CACNA2D3: variants seen among roughly 807,000 people sequenced by gnomAD.
The protein encoded by CACNA2D3 is calcium voltage-gated channel auxiliary subunit alpha2delta 3.
Under a neutral mutation model 160.6 loss-of-function variants are expected in CACNA2D3, and 60 were observed. The observed-to-expected ratio is 0.37, with a 90% CI of 0.30 to 0.46. The LOEUF (loss-of-function observed/expected upper bound fraction) is 0.46. CACNA2D3 is among the 20% of genes least tolerant of loss of function. CACNA2D3 has a pLI of 1.00. For missense variants in CACNA2D3, 1,205 were observed against 1,365.0 expected (o/e 0.88, Z 1.85); for synonymous variants, 558 against 492.9 (o/e 1.13, Z -1.75).
In CACNA2D3 at chr3:54,700,760, G is replaced by A. The variant is rs567811212; in HGVS notation, c.1168-51839G>A. On this transcript the variant is annotated intron_variant, in intron 11 of 37. Coordinates refer to ENST00000474759, the MANE Select transcript of CACNA2D3 (RefSeq NM_018398.3). The stretch of plus-strand genomic sequence containing the variant: ...TCCTATGCATTGGGCTCTATGCAAA[G>A]TGCTTTCCAGGAGTTGCCTCATGTA... Among the ~76,000 whole-genome samples, 4 of 152,280 alleles carry A rather than the reference G, an allele frequency of 2.6e-5. No homozygotes were observed. The South Asian group carries it at 8.3e-4, about 32-fold the overall frequency.
intron 27 of CACNA2D3, among the ~76,000 whole-genome samples, chr3:54,910,448 C>A (rs1206543324): frequency 6.6e-6 from 1 of 152,200 alleles, no homozygotes; most frequent in Non-Finnish European, 1.5e-5. Context: ...ATTTCAGTAA[C>A]TTCCATTGTT....
intron 4 of CACNA2D3, among the ~76,000 whole-genome samples, chr3:54,392,217 A>C (rs1699294229): frequency 6.6e-6 from 1 of 152,198 alleles, no homozygotes; most frequent in African/African-American, 2.4e-5. Flanking sequence ...CCAGAAAATT[A>C]AGTCTATACA....
chr3:54,747,857 C>T (rs945845392), intron 11 of CACNA2D3, among the ~76,000 whole-genome samples: 1 of 152,156 alleles, frequency 6.6e-6, no homozygotes, highest in African/African-American at 2.4e-5. Context: ...TCCCATCTTC[C>T]TTTTCTAAAA....
chr3:54,471,372 T>C (rs899044844), intron 4 of CACNA2D3, among the ~76,000 whole-genome samples: 5 of 152,176 alleles, frequency 3.3e-5, no homozygotes, highest in African/African-American at 9.7e-5. Context: ...AGACACATCG[T>C]ACCAGAATCT....
intron 1 of CACNA2D3, 34 bp downstream of exon 1, chr3:54,122,869 G>C: frequency 8.2e-7 from 1 of 1,217,992 alleles, no homozygotes; most frequent in Non-Finnish European, 1.0e-6. Flanking sequence ...CCGGGGAGGG[G>C]ACCTTGCCGC....
intron 2 of CACNA2D3, among the ~76,000 whole-genome samples, chr3:54,215,483 C>A (rs1463824668): frequency 6.6e-6 from 1 of 152,176 alleles, no homozygotes; most frequent in Non-Finnish European, 1.5e-5. Flanking sequence ...GTATCAGTCC[C>A]CCCATTGCCT....
chr3:54,219,899 A>C lies in CACNA2D3; in HGVS notation c.204+96305A>C, dbSNP rs551402674. Among the ~76,000 whole-genome samples the C allele has an allele frequency of 5.9e-5, 9 of 152,000 alleles. No individual in the cohort carries two copies. In the South Asian group the frequency reaches 1.5e-3, roughly 25 times the overall value. ...GGCAATTAATTAAGAATTCTTCTTA[A>C]TTAAAAAAAAACTACTATCTTTCCT... On this transcript the variant is annotated intron_variant, in intron 2 of 37. Coordinates refer to ENST00000474759, the MANE Select transcript of CACNA2D3 (RefSeq NM_018398.3).
At chr3:54,711,204 C>G (rs1297143403) in intron 11 of CACNA2D3, among the ~76,000 whole-genome samples, 2 of 152,190 alleles carry the variant, frequency 1.3e-5, no homozygotes, top group East Asian at 1.9e-4. Flanking sequence ...GTAATAGCCA[C>G]TGTTCACTGG....
At chr3:54,681,862 T>C (rs2106915639) in intron 11 of CACNA2D3, among the ~76,000 whole-genome samples, 1 of 152,142 alleles carries the variant, frequency 6.6e-6, no homozygotes, top group Non-Finnish European at 1.5e-5. Flanking sequence ...TTCTTACTTT[T>C]AGTAGAGATG....
intron 4 of CACNA2D3, among the ~76,000 whole-genome samples, chr3:54,412,626 T>C (rs13082754): frequency 0.63 from 79,800 of 126,114 alleles, 26,100 homozygotes; most frequent in Non-Finnish European, 0.7. Flanking sequence ...TTTTTTAGTC[T>C]GACAACCTCT....
chr3:54,376,889 G>GT (rs1699022710), intron 3 of CACNA2D3, among the ~76,000 whole-genome samples: 1 of 152,186 alleles, frequency 6.6e-6, no homozygotes, highest in Non-Finnish European at 1.5e-5. Flanking sequence ...TGGTTGGATA[G>GT]TTGGAAGGAA....
At chr3:54,220,688 A>C (rs1323354059) in intron 2 of CACNA2D3, among the ~76,000 whole-genome samples, 2 of 151,744 alleles carry the variant, frequency 1.3e-5, no homozygotes, top group African/African-American at 4.8e-5. Context: ...GTCCCAGGAA[A>C]CCCTCCCTGG....
Position 54,142,064 on chromosome 3 carries a change from G to T in CACNA2D3, c.204+18470G>T, listed in dbSNP as rs1699948607. The stretch of plus-strand genomic sequence containing the variant: ...GAAGACCTGCTCTGGTCTGGGTTCG[G>T]AGGAGGCTTGCCAAGGCATGATTCT... On this transcript the variant is annotated intron_variant, in intron 2 of 37. Transcript: ENST00000474759. 4.6e-5 allele frequency among the ~76,000 whole-genome samples: 7 copies of T among 152,222 alleles called. 1 individual carries two copies. The South Asian group carries it at 1.4e-3, about 32-fold the overall frequency.
chr3:54,263,726 G>A (rs537369078), intron 2 of CACNA2D3, among the ~76,000 whole-genome samples: 12 of 152,182 alleles, frequency 7.9e-5, no homozygotes, highest in Admixed American at 4.6e-4. Flanking sequence ...TGGATTCTGC[G>A]CTAGACCCCG....
intron 11 of CACNA2D3, among the ~76,000 whole-genome samples, chr3:54,732,712 T>TC (rs1701414776): frequency 1.3e-5 from 2 of 152,130 alleles, no homozygotes; most frequent in South Asian, 2.1e-4. Flanking sequence ...CCTTAGGAAG[T>TC]CCCACTGAAT....
intron 4 of CACNA2D3, among the ~76,000 whole-genome samples, chr3:54,450,092 A>G (rs899742880): frequency 6.6e-6 from 1 of 152,208 alleles, no homozygotes; most frequent in Non-Finnish European, 1.5e-5. Flanking sequence ...CATGGTTCAC[A>G]GTTTGCCACT....
In CACNA2D3 at chr3:55,033,582, G is replaced by GTATATATA. The variant is rs755336238; in HGVS notation, c.2987+15266_2987+15267insATATATAT. 2.7e-3 allele frequency among the ~76,000 whole-genome samples: 328 copies of GTATATATA among 119,542 alleles called. 1 individual carries two copies. The highest frequency in any genetic ancestry group is 8.8e-3 in the African/African-American group (265 of 29,966). The allele number at this position is 119,542 out of a possible 152,430, so 78.4% of individuals were successfully genotyped here. ...AAACTATCGTGTCATTTATGTGTGT[G>GTATATATA]TGTATATATATATATATATATATAT... On this transcript the variant is annotated intron_variant, in intron 35 of 37. Transcript: ENST00000474759.
chr3:54,387,064 C>T (rs1043200486), intron 4 of CACNA2D3, among the ~76,000 whole-genome samples: 3 of 152,196 alleles, frequency 2.0e-5, no homozygotes, highest in Admixed American at 6.5e-5. Context: ...ATCACCAGAT[C>T]TCTCAATGGT....
intron 35 of CACNA2D3, among the ~76,000 whole-genome samples, chr3:55,028,094 G>A (rs566409582): frequency 4.6e-5 from 7 of 152,254 alleles, no homozygotes; most frequent in South Asian, 4.1e-4. Context: ...GTTGAGCTGC[G>A]TCCTACTCCA....
Sources: allele counts gnomAD v4.1 joint callset (sites outside exome capture counted in the v4.1 genomes callset), GRCh38; gene constraint gnomAD v4.1.1; transcripts MANE v1.5; gene names NCBI Gene and HGNC (gene_info 2026-07-23, HGNC 2026-07-21).